PCDHA11: variants seen among roughly 807,000 people sequenced by gnomAD.
The protein encoded by PCDHA11 is protocadherin alpha 11.
Under a neutral mutation model 70.3 loss-of-function variants are expected in PCDHA11, and 61 were observed. The ratio of observed to expected loss-of-function variants is 0.87; its 90% CI spans 0.71 to 1.07. PCDHA11 has a LOEUF of 1.07. Among genes scored for constraint, PCDHA11 ranks in the 50% least tolerant of loss-of-function variants. The probability of loss-of-function intolerance (pLI) is 0.00; values close to 1 mark genes in which losing one functional copy is unlikely to be tolerated. For missense variants in PCDHA11, 1,324 were observed against 1,237.5 expected, an observed-to-expected ratio of 1.07 and a Z score of -1.05; for synonymous variants, 633 against 555.1, an observed-to-expected ratio of 1.14 and a Z score of -1.97.
intron 1 of PCDHA11, among the ~76,000 whole-genome samples, chr5:140,954,250 T>C (rs1018325931): frequency 6.6e-6 from 1 of 152,252 alleles, no homozygotes; most frequent in Non-Finnish European, 1.5e-5. Context: ...AACATACACA[T>C]GCAGGTATCT....
At chr5:140,883,686 A>T in intron 1 of PCDHA11, 1 of 1,613,782 alleles carries the variant, frequency 6.2e-7, no homozygotes, top group South Asian at 1.1e-5. Context: ...CCGGGCTGCC[A>T]CATCTTCACG....
chr5:140,876,256 A>G (rs1554168418), intron 1 of PCDHA11: 1 of 1,614,042 alleles, frequency 6.2e-7, no homozygotes, highest in East Asian at 2.2e-5. Context: ...CACAAGAGTG[A>G]TCCAACTAAA....
At chr5:140,939,789 A>T (rs1259994967) in intron 1 of PCDHA11, among the ~76,000 whole-genome samples, 1 of 152,246 alleles carries the variant, frequency 6.6e-6, no homozygotes, top group African/African-American at 2.4e-5. Flanking sequence ...GTCAATTTCT[A>T]TAAATGTTCT....
chr5:140,929,327 T>A (rs782155915), intron 1 of PCDHA11: 1 of 1,536,752 alleles, frequency 6.5e-7, no homozygotes, highest in Admixed American at 2.1e-5. Context: ...AATGCCATGG[T>A]AAGCAAATTT....
At chr5:140,980,173 G>GA (rs2096879198) in intron 2 of PCDHA11, among the ~76,000 whole-genome samples, 1 of 152,162 alleles carries the variant, frequency 6.6e-6, no homozygotes, top group Non-Finnish European at 1.5e-5. Flanking sequence ...GGTATCAGAA[G>GA]AAATTCTTTA....
At chr5:140,885,930 AT>A (rs1188534786) in intron 1 of PCDHA11, among the ~76,000 whole-genome samples, 9 of 152,222 alleles carry the variant, frequency 5.9e-5, no homozygotes, top group Admixed American at 5.9e-4. Context: ...CTGTTTATCT[AT>A]TTTTTGACAT....
At chr5:140,984,157 C>G (rs1187103463) in intron 3 of PCDHA11, among the ~76,000 whole-genome samples, 1 of 152,228 alleles carries the variant, frequency 6.6e-6, no homozygotes, top group Non-Finnish European at 1.5e-5. Flanking sequence ...AAGGTGAGAA[C>G]TTCCCAAAGA....
At chr5:140,948,708 C>T (rs1376587735) in intron 1 of PCDHA11, among the ~76,000 whole-genome samples, 1 of 151,114 alleles carries the variant, frequency 6.6e-6, no homozygotes, top group Non-Finnish European at 1.5e-5. Flanking sequence ...TGTGTTCTAT[C>T]CTCTTTTTTA....
intron 1 of PCDHA11, among the ~76,000 whole-genome samples, chr5:140,895,928 A>G (rs559949902): frequency 5.9e-5 from 9 of 152,226 alleles, no homozygotes; most frequent in African/African-American, 1.9e-4. Flanking sequence ...ATCCTGCCTC[A>G]GCCTCCCGAG....
chr5:140,874,359 G>T (rs1456899858), intron 1 of PCDHA11, among the ~76,000 whole-genome samples: 1 of 152,176 alleles, frequency 6.6e-6, no homozygotes, highest in East Asian at 1.9e-4. Context: ...TTGAATTAAT[G>T]AATAAACTCA....
intron 1 of PCDHA11, chr5:140,875,462 C>T (rs1333440854): frequency 6.3e-7 from 1 of 1,598,882 alleles, no homozygotes; most frequent in Non-Finnish European, 8.5e-7. Flanking sequence ...CAGAGGCCCT[C>T]ATTTTCTGCA....
At chr5:140,922,092 C>G (rs188826380) in intron 1 of PCDHA11, among the ~76,000 whole-genome samples, 2 of 152,184 alleles carry the variant, frequency 1.3e-5, no homozygotes. Context: ...GGTATTTCTA[C>G]CAACTATAGA....
intron 1 of PCDHA11, among the ~76,000 whole-genome samples, chr5:140,938,931 A>T (rs1371527205): frequency 6.6e-6 from 1 of 152,044 alleles, no homozygotes; most frequent in African/African-American, 2.4e-5. Context: ...TTGGCTTTTA[A>T]CTTTCCATTC....
chr5:140,972,905 A>C (rs1188926107), intron 1 of PCDHA11, among the ~76,000 whole-genome samples: 18 of 151,782 alleles, frequency 1.2e-4, no homozygotes, highest in African/African-American at 4.4e-4. Flanking sequence ...CTTGTGATCC[A>C]CCCGCCTTGG....
At chr5:140,930,143 T>C (rs1375967730) in intron 1 of PCDHA11, 4 of 152,204 alleles carry the variant, frequency 2.6e-5, no homozygotes, top group Non-Finnish European at 5.9e-5. Context: ...ACCTTTTGTT[T>C]TGTGTTTCTA....
chr5:140,892,069 A>G (rs1554185062), intron 1 of PCDHA11, among the ~76,000 whole-genome samples: 3 of 152,208 alleles, frequency 2.0e-5, no homozygotes, highest in Non-Finnish European at 2.9e-5. Flanking sequence ...GTTACTTTGT[A>G]TAATTTCTAG....
intron 1 of PCDHA11, chr5:140,875,787 C>A (rs2055811364): frequency 6.2e-7 from 1 of 1,614,082 alleles, no homozygotes; most frequent in Non-Finnish European, 8.5e-7. Context: ...GCAGTATCCA[C>A]CTGGAGGTGA....
rs1554165566 is a variant in PCDHA11 at position 140,871,419 on chromosome 5, C to A, written c.2316C>A (p.Ser772Arg). ...CTAAGACGGACCTCATGGCCTTCAGCCCCAGTCTTCCTCTAGGTCTGAATA... is the reference window on the plus strand; with the variant it reads ...CTAAGACGGACCTCATGGCCTTCAGACCCAGTCTTCCTCTAGGTCTGAATA... ...GPPKTDLMAF[S>R]PSLPLGLNKE... is the part of the protein sequence containing the mutation. Residue 772 changes from serine (S) to arginine (R), a missense_variant, in exon 1 of 4, where the codon AGC becomes AGA. Physicochemically the swap from Ser to Arg is moderately radical, Grantham distance 110 (BLOSUM62 -1). Coordinates refer to ENST00000398640, the MANE Select transcript of PCDHA11 (RefSeq NM_018902.5). The A allele has an allele frequency of 6.2e-7, 1 of 1,613,732 alleles. No individual in the cohort carries two copies.
chr5:140,876,899 C>G (rs781884794), intron 1 of PCDHA11: 1 of 1,614,092 alleles, frequency 6.2e-7, no homozygotes, highest in South Asian at 1.1e-5. Context: ...CACATCTTCA[C>G]GGTGTCGGCA....
Sources: gnomAD v4.1 joint callset for allele counts (sites outside exome capture counted in the v4.1 genomes callset) on GRCh38, gnomAD v4.1.1 for gene constraint, MANE v1.5 for transcripts, NCBI Gene and HGNC (gene_info 2026-07-23, HGNC 2026-07-21) for gene names.